The following DDX50 variants were observed in gnomAD, a reference collection of about 807,000 sequenced individuals.
The protein encoded by DDX50 is ATP-dependent RNA helicase DDX50.
DDX50 carries 56 observed loss-of-function variants against 94.8 expected under a neutral mutation model. The ratio of observed to expected loss-of-function variants is 0.59; its 90% CI spans 0.48 to 0.74. The LOEUF is 0.74. DDX50 is among the 30% of genes least tolerant of loss of function. The pLI, the probability that DDX50 is intolerant of heterozygous loss-of-function variation, is 0.00. For synonymous variants in DDX50, 264 were observed against 295.4 expected, an observed-to-expected ratio of 0.89 and a Z score of 1.09; for missense variants, 713 against 881.2, an observed-to-expected ratio of 0.81 and a Z score of 2.42.
At position 68,911,127 on chromosome 10, in the gene DDX50, G is replaced by T; in HGVS notation, c.520G>T (p.Gly174Ter). 6.2e-7 allele frequency: 1 copy of T among 1,610,306 alleles called. No homozygotes were observed. The highest frequency in any genetic ancestry group is 8.5e-7 in the Non-Finnish European group (1 of 1,178,348). The change falls in exon 4 of 15, where the codon GGA becomes TGA. Residue 174 changes from glycine (G) to a stop codon, truncating the protein, a stop_gained. Coordinates refer to ENST00000373585, the MANE Select transcript of DDX50 (RefSeq NM_024045.2). LOFTEE classifies it high-confidence loss of function. ...TAAGACCTTTGGTCCTGTATATGAA[G>T]GAAAAGATTTAATAGCTCAAGCACG... Reference protein sequence around the residue: ...QVKTFGPVYEGKDLIAQARTG... With the variant: ...QVKTFGPVYE
chr10:68,929,394 T>A (rs1000878424), intron 8 of DDX50, among the ~76,000 whole-genome samples: 1 of 150,836 alleles, frequency 6.6e-6, no homozygotes, highest in South Asian at 2.1e-4. Flanking sequence ...TCCTTTCCTT[T>A]CTTTCCTTTC....
chr10:68,910,985 A>C (rs1206101639), intron 3 of DDX50, 83 bp from the exon 4 acceptor site: 7 of 1,121,764 alleles, frequency 6.2e-6, no homozygotes, highest in Non-Finnish European at 8.5e-6. Flanking sequence ...ACATAGAAGA[A>C]TTATGATTGT....
In DDX50 at chr10:68,935,007, T is replaced by A. The variant is rs1469269153; in HGVS notation, c.1521+89T>A. The A allele has an allele frequency of 2.8e-6, 4 of 1,450,096 alleles. No homozygotes were observed. The East Asian group carries it at 9.9e-5, about 36-fold the overall frequency. The allele number at this position is 1,450,096 out of a possible 1,614,324, so 89.8% of individuals were successfully genotyped here. ...TATATTTATTCTTACAAGTAGGTCT[T>A]CATAACTTTTCTCAGTTTAAGCTGC... On this transcript the variant is annotated intron_variant, in intron 10 of 14. Transcript: ENST00000373585.
At chr10:68,936,428 G>A (rs1842409145) in intron 11 of DDX50, among the ~76,000 whole-genome samples, 1 of 137,218 alleles carries the variant, frequency 7.3e-6, no homozygotes, top group Non-Finnish European at 1.5e-5. Flanking sequence ...GGCGGAGCTT[G>A]CAGGGAATCG....
At chr10:68,921,489 C>T (rs1841938141) in intron 8 of DDX50, among the ~76,000 whole-genome samples, 1 of 150,034 alleles carries the variant, frequency 6.7e-6, no homozygotes, top group African/African-American at 2.5e-5. Context: ...TCTGAATATT[C>T]AGGTTTGTTT....
At position 68,907,094 on chromosome 10, in the gene DDX50, A is replaced by G. The variant is rs75181064; in HGVS notation, c.384+87A>G. 299 of 1,297,184 alleles carry G rather than the reference A, an allele frequency of 2.3e-4. 2 individuals carry two copies. The East Asian group carries it at 6.0e-3, about 26-fold the overall frequency. 80.4% of individuals were successfully genotyped at this position (1,297,184 alleles called of 1,614,324 possible). ...TTTTAGGCTAATTAGAATTGATTCT[A>G]TAACATTTCTTGATTAGTGTCTAGT... is the stretch of plus-strand genomic sequence containing the variant. On this transcript the variant is annotated intron_variant, in intron 2 of 14. Coordinates refer to ENST00000373585, the MANE Select transcript of DDX50 (RefSeq NM_024045.2).
rs2132055410 is a variant in DDX50 at position 68,934,776 on chromosome 10, A to G, written c.1402-23A>G. 6.4e-7 allele frequency: 1 copy of G among 1,572,192 alleles called. No homozygotes were observed. On this transcript the variant is annotated intron_variant, in intron 9 of 14. Coordinates refer to ENST00000373585, the MANE Select transcript of DDX50 (RefSeq NM_024045.2). The surrounding 1 kb of genome is among the most constrained non-coding windows in gnomAD (Gnocchi z 4.0). ...CTGCAACTTGCTAGATTTTTAAAAA[A>G]TATTACCTTTTATAATCTTTAGGAT...
chr10:68,903,337 G>C (rs1195945759), intron 1 of DDX50, among the ~76,000 whole-genome samples: 1 of 151,816 alleles, frequency 6.6e-6, no homozygotes, highest in African/African-American at 2.4e-5. Flanking sequence ...TTCAAGACCA[G>C]CCTGGCCAAC....
chr10:68,913,130 G>A (rs1215888328), intron 4 of DDX50, 32 bp from the exon 5 acceptor site: 1 of 1,540,998 alleles, frequency 6.5e-7, no homozygotes, highest in Non-Finnish European at 8.8e-7. Flanking sequence ...CTTTAGAAAA[G>A]TATCTTTTTG....
intron 8 of DDX50, among the ~76,000 whole-genome samples, chr10:68,927,588 A>G (rs974536868): frequency 6.6e-6 from 1 of 152,198 alleles, no homozygotes; most frequent in African/African-American, 2.4e-5. Context: ...ACTTACGTAC[A>G]TATATTGTCC....
intron 13 of DDX50, among the ~76,000 whole-genome samples, chr10:68,942,190 G>T (rs1842569633): frequency 6.6e-6 from 1 of 152,152 alleles, no homozygotes; most frequent in African/African-American, 2.4e-5. Context: ...CCTGCTCTTT[G>T]TTGTTAATGA....
intron 13 of DDX50, among the ~76,000 whole-genome samples, chr10:68,942,215 TTAAA>T (rs1242884842): frequency 3.3e-5 from 5 of 152,316 alleles, no homozygotes; most frequent in East Asian, 1.9e-4. Flanking sequence ...ATGATATGAA[TTAAA>T]TAAATACTTT....
In DDX50 at chr10:68,941,283, G is replaced by T. The variant is rs187677980; in HGVS notation, c.1890+89G>T. 3 of 1,516,862 alleles carry T rather than the reference G, an allele frequency of 2.0e-6. No homozygotes were observed. In the African/African-American group the frequency reaches 4.2e-5, roughly 21 times the overall value. 94.0% of individuals were successfully genotyped at this position (1,516,862 alleles called of 1,614,324 possible). A position where few individuals can be genotyped will look rare whatever the true frequency, so the allele number is the denominator to read the frequency against. The stretch of plus-strand genomic sequence containing the variant: ...GCAAATTTTGTTCTTTCTCTTTGAA[G>T]CCTAATGGCATGAATAATGCTGTTT... On this transcript the variant is annotated intron_variant, in intron 13 of 14. Coordinates refer to ENST00000373585, the MANE Select transcript of DDX50 (RefSeq NM_024045.2).
intron 10 of DDX50, 36 bp from the exon 11 acceptor site, chr10:68,935,970 T>C (rs760936925): frequency 7.8e-6 from 11 of 1,407,058 alleles, no homozygotes; most frequent in Non-Finnish European, 1.1e-5. Context: ...TTGTAAAGAC[T>C]TCCATTTTTC....
intron 4 of DDX50, 148 bp from the exon 5 acceptor site, chr10:68,913,014 C>A: frequency 1.6e-6 from 1 of 641,844 alleles, no homozygotes; most frequent in Middle Eastern, 4.3e-4. Context: ...TGCTGCTGTT[C>A]CTTTTGCTAT....
intron 8 of DDX50, among the ~76,000 whole-genome samples, chr10:68,928,248 C>T (rs1197281856): frequency 6.6e-6 from 1 of 151,914 alleles, no homozygotes; most frequent in South Asian, 2.1e-4. Context: ...TCTAGGAGGT[C>T]GAGGCTACAG....
intron 8 of DDX50, among the ~76,000 whole-genome samples, chr10:68,927,125 T>C (rs945711395): frequency 7.2e-5 from 11 of 152,108 alleles, no homozygotes; most frequent in African/African-American, 2.7e-4. Flanking sequence ...TTACCCAGGC[T>C]GGTCTCGAAC....
chr10:68,930,370 G>T (rs1842229500), intron 8 of DDX50, among the ~76,000 whole-genome samples: 1 of 151,984 alleles, frequency 6.6e-6, no homozygotes, highest in Non-Finnish European at 1.5e-5. Context: ...CACCCGCCTT[G>T]CCCTTCCAAA....
intron 12 of DDX50, among the ~76,000 whole-genome samples, chr10:68,939,380 T>C (rs933883169): frequency 2.6e-5 from 4 of 152,212 alleles, no homozygotes; most frequent in African/African-American, 4.8e-5. Context: ...AATCCCTCTT[T>C]GGCAGATGGG....
Sources: gnomAD v4.1 joint callset for allele counts (sites outside exome capture counted in the v4.1 genomes callset) on GRCh38, gnomAD v4.1.1 for gene constraint, Gnocchi (gnomAD v3.1) non-coding constraint, MANE v1.5 for transcripts, NCBI Gene and HGNC (gene_info 2026-07-23, HGNC 2026-07-21) for gene names.